PEAK1: variants seen among roughly 807,000 people sequenced by gnomAD.
PEAK1 encodes the protein inactive tyrosine-protein kinase PEAK1.
Under a neutral mutation model 124.7 loss-of-function variants are expected in PEAK1, and 54 were observed. That is an observed-to-expected ratio of 0.43 (90% confidence interval 0.35 to 0.54). The LOEUF (loss-of-function observed/expected upper bound fraction) is 0.54. Ranked by LOEUF, PEAK1 falls within the 20% of genes least tolerant of loss-of-function variation. PEAK1 has a pLI of 0.01. For synonymous variants in PEAK1, 719 were observed against 760.0 expected (o/e 0.95, Z 0.89); for missense variants, 2,046 against 2,134.5 (o/e 0.96, Z 0.82).
chr15:77,247,024 ATATAGTG>A (rs1345575330), intron 6 of PEAK1, among the ~76,000 whole-genome samples: 2 of 152,128 alleles, frequency 1.3e-5, no homozygotes, highest in Non-Finnish European at 2.9e-5. Flanking sequence ...TCTCAAAAAA[ATATAGTG>A]TATAGAAATA....
At chr15:77,222,925 A>T (rs1322383706) in intron 6 of PEAK1, among the ~76,000 whole-genome samples, 1 of 152,080 alleles carries the variant, frequency 6.6e-6, no homozygotes, top group Non-Finnish European at 1.5e-5. Context: ...AACTCTTTAG[A>T]CTTCTGCCAC....
At chr15:77,417,402 C>A (rs899680018) in intron 1 of PEAK1, 22 of 961,254 alleles carry the variant, frequency 2.3e-5, no homozygotes, top group Non-Finnish European at 1.2e-5. Context: ...CTAGAAAGTA[C>A]CAGGAGCTTT....
chr15:77,261,514 G>C (rs1189514609), intron 5 of PEAK1, among the ~76,000 whole-genome samples: 1 of 152,062 alleles, frequency 6.6e-6, no homozygotes, highest in African/African-American at 2.4e-5. Context: ...CTGGAAGAAA[G>C]GGTATCAGTG....
chr15:77,398,847 T>C (rs1363054671), intron 1 of PEAK1, among the ~76,000 whole-genome samples: 2 of 152,138 alleles, frequency 1.3e-5, no homozygotes, highest in Admixed American at 6.5e-5. Context: ...GATGACATGA[T>C]CTTATATTTG....
intron 1 of PEAK1, chr15:77,370,641 A>T: frequency 4.2e-6 from 4 of 957,466 alleles, no homozygotes; most frequent in Non-Finnish European, 5.0e-6. Context: ...AATGTTACCA[A>T]AACCCACAGA....
In PEAK1 at chr15:77,346,258, A is replaced by G. The variant is rs1028830877; in HGVS notation, c.-603+18905T>C. ...TCAATGTCATCTCTTCTGAAAATAA[A>G]TGTTGCTGTCTTGACTCAGAATTCA... On this transcript the variant is annotated intron_variant, in intron 2 of 9. Coordinates refer to ENST00000682557, the MANE Select transcript of PEAK1 (RefSeq NM_001385026.1). 5.4e-6 allele frequency: 5 copies of G among 928,770 alleles called. No homozygotes were observed. In the African/African-American group the frequency reaches 9.0e-5, roughly 17 times the overall value. The allele number at this position is 928,770 out of a possible 1,614,324, so 57.5% of individuals were successfully genotyped here.
chr15:77,394,087 T>G (rs2070706510), intron 1 of PEAK1, among the ~76,000 whole-genome samples: 1 of 152,172 alleles, frequency 6.6e-6, no homozygotes, highest in African/African-American at 2.4e-5. Context: ...GTCTTGTGGC[T>G]TGAATGCCAG....
chr15:77,131,174 G>A (rs2052824364), intron 9 of PEAK1, among the ~76,000 whole-genome samples: 1 of 152,198 alleles, frequency 6.6e-6, no homozygotes, highest in Non-Finnish European at 1.5e-5. Context: ...ACAAAATACA[G>A]CTATGGAGTC....
chr15:77,401,957 G>A (rs2071404398), intron 1 of PEAK1: 1 of 950,592 alleles, frequency 1.1e-6, no homozygotes, highest in East Asian at 1.2e-4. Context: ...CCAGCACTTT[G>A]GGAGGCCAAC....
At chr15:77,176,187 G>T (rs921745512) in intron 7 of PEAK1, among the ~76,000 whole-genome samples, 26 of 148,084 alleles carry the variant, frequency 1.8e-4, no homozygotes, top group Non-Finnish European at 7.4e-5. Context: ...CACCAGCATG[G>T]CACATGTATA....
At chr15:77,371,515 A>G (rs2068639972) in intron 1 of PEAK1, 1 of 570,114 alleles carries the variant, frequency 1.8e-6, no homozygotes, top group Non-Finnish European at 2.0e-6. Flanking sequence ...ACATACCACC[A>G]CCACCACCAC....
At chr15:77,226,110 A>G (rs1380273057) in intron 6 of PEAK1, among the ~76,000 whole-genome samples, 1 of 142,244 alleles carries the variant, frequency 7.0e-6, no homozygotes, top group Non-Finnish European at 1.5e-5. Context: ...ACACACATAT[A>G]TATGTGTGTA....
In PEAK1 at chr15:77,114,216, A is replaced by G. The variant is rs1217833364; in HGVS notation, c.5181T>C (p.Tyr1727=). ...ISLEDWLCAQ[Y]LAFATTDSLS... is the part of the protein sequence containing the mutation. Reference sequence around the variant, plus strand: ...GGGAGTCTGTAGTGGCAAAAGCCAAATACTGAGCACAAAGCCAGTCCTCAA... The same window carrying G: ...GGGAGTCTGTAGTGGCAAAAGCCAAGTACTGAGCACAAAGCCAGTCCTCAA... The change falls in exon 10 of 10, where the codon TAT becomes TAC. Residue 1727 remains tyrosine, a synonymous_variant. Transcript: ENST00000682557. 1 of 1,614,118 alleles carries G rather than the reference A, an allele frequency of 6.2e-7. No homozygotes were observed.
In PEAK1 at chr15:77,114,172, A is replaced by G. The variant is rs1027509828; in HGVS notation, c.5225T>C (p.Ile1742Thr). ...AGGTACACATTAACGGTGCTGCAGA[A>G]TTTTCACAATACAACTGAGGGAGTC... ...TTDSLSCIVK[I>T]LQHR Residue 1742 changes from isoleucine to threonine, a missense_variant, in exon 10 of 10, where the codon ATT (isoleucine) becomes ACT (threonine). Transcript: ENST00000682557. The G allele has an allele frequency of 1.9e-6, 3 of 1,613,958 alleles. No homozygotes were observed. The highest frequency in any genetic ancestry group is 2.5e-6 in the Non-Finnish European group (3 of 1,179,808).
chr15:77,114,974 C>G lies in PEAK1; in HGVS notation c.4423G>C (p.Val1475Leu). The change falls in exon 10 of 10, where the codon GTG (valine) becomes CTG (leucine). Residue 1475 changes from valine (V) to leucine (L), a missense_variant. Transcript: ENST00000682557. ...EVPCLTVADF[V>L]RDSLAQHGKS... ...CCATGCTGGGCCAGAGAGTCTCGCA[C>G]AAAATCAGCCACAGTAAGACATGGA... is the stretch of plus-strand genomic sequence containing the variant. 6.2e-7 allele frequency: 1 copy of G among 1,614,128 alleles called. No individual in the cohort carries two copies. The highest frequency in any genetic ancestry group is 8.5e-7 in the Non-Finnish European group (1 of 1,180,008).
chr15:77,387,027 C>T (rs1364368562), intron 1 of PEAK1, among the ~76,000 whole-genome samples: 1 of 152,148 alleles, frequency 6.6e-6, no homozygotes, highest in Non-Finnish European at 1.5e-5. Context: ...CAATAAAGTG[C>T]AGACGTATAA....
intron 1 of PEAK1, among the ~76,000 whole-genome samples, chr15:77,405,990 T>C (rs1241642513): frequency 6.6e-6 from 1 of 152,184 alleles, no homozygotes; most frequent in Non-Finnish European, 1.5e-5. Context: ...CTGATAATAT[T>C]TCACAAGCTG....
At chr15:77,280,723 C>T (rs895832688) in intron 5 of PEAK1, among the ~76,000 whole-genome samples, 1 of 152,074 alleles carries the variant, frequency 6.6e-6, no homozygotes, top group Non-Finnish European at 1.5e-5. Context: ...GGCTGGCTTG[C>T]AATATTCTTC....
At chr15:77,115,380 G>C (rs2051272472) in intron 9 of PEAK1, 61 bp from the exon 10 acceptor site, 1 of 1,458,536 alleles carries the variant, frequency 6.9e-7, no homozygotes. Flanking sequence ...TGATGTATCA[G>C]GGAAGATTAA....
Sources: gnomAD v4.1 joint callset for allele counts (sites outside exome capture counted in the v4.1 genomes callset) on GRCh38, gnomAD v4.1.1 for gene constraint, MANE v1.5 for transcripts, NCBI Gene and HGNC (gene_info 2026-07-23, HGNC 2026-07-21) for gene names.